The following EIF2D variants were observed in gnomAD, a reference collection of about 807,000 sequenced individuals.
The protein encoded by EIF2D is hepatocellular carcinoma-associated antigen 56.
Under a neutral mutation model 77.4 loss-of-function variants are expected in EIF2D, and 56 were observed. The ratio of observed to expected loss-of-function variants is 0.72; its 90% CI spans 0.58 to 0.90. The LOEUF is 0.90. EIF2D is among the 40% of genes least tolerant of loss of function. The pLI is 0.00. For synonymous variants in EIF2D, 230 were observed against 271.0 expected (o/e 0.85, Z 1.49); for missense variants, 574 against 706.5 (o/e 0.81, Z 2.13).
At chr1:206,610,915 C>A (rs1553413797) in intron 2 of EIF2D, among the ~76,000 whole-genome samples, 2 of 152,192 alleles carry the variant, frequency 1.3e-5, no homozygotes. Context: ...TCCTTCATCT[C>A]AGAACTTCCC....
chr1:206,605,364 C>G, intron 5 of EIF2D, 36 bp downstream of exon 5: 1 of 1,570,964 alleles, frequency 6.4e-7, no homozygotes, highest in Non-Finnish European at 8.7e-7. Context: ...CCAGCTGCCC[C>G]GGTTCTCTGT....
intron 4 of EIF2D, among the ~76,000 whole-genome samples, 154 bp downstream of exon 4, chr1:206,608,082 T>C (rs1439157946): frequency 6.6e-6 from 1 of 152,166 alleles, no homozygotes; most frequent in Non-Finnish European, 1.5e-5. Flanking sequence ...TCCCCATAGG[T>C]TTGCTGCCAT....
intron 1 of EIF2D, 40 bp from the exon 2 acceptor site, chr1:206,611,414 A>C (rs1553413995): frequency 6.5e-7 from 1 of 1,548,296 alleles, no homozygotes; most frequent in East Asian, 2.3e-5. Context: ...CTGCCTGGAC[A>C]GACTTTTAAT....
chr1:206,591,345 C>G (rs1669332299), downstream of EIF2D, among the ~76,000 whole-genome samples: 1 of 152,164 alleles, frequency 6.6e-6, no homozygotes, highest in African/African-American at 2.4e-5. Flanking sequence ...TGACAGAGAA[C>G]AGCTGGGATC....
downstream of EIF2D, chr1:206,591,640 G>T (rs1558528782): frequency 1.2e-6 from 1 of 827,096 alleles, no homozygotes; most frequent in Non-Finnish European, 1.9e-6. Flanking sequence ...AGGGAAGTCA[G>T]ATTTAGATTA....
Position 206,599,727 on chromosome 1 carries a change from A to T in EIF2D, c.1052+6T>A, listed in dbSNP as rs782788507. On this transcript the variant is annotated splice_donor_region_variant and intron_variant, in intron 9 of 14. Transcript: ENST00000271764. This position sits in a 1 kb window ranked among gnomAD's most constrained non-coding sequence, Gnocchi z 4.1. ...TGGGCTACAGTGACAGGCCCCCTGC[A>T]CTCACCTCGGGTGTTTCCAGTCCAC... 1 of 1,613,862 alleles carries T rather than the reference A, an allele frequency of 6.2e-7. No individual in the cohort carries two copies. Among genetic ancestry groups the T allele is most frequent in the Non-Finnish European group, 8.5e-7 (1 of 1,179,994 alleles).
rs1670477213 is a variant in EIF2D, at chr1:206,611,192, T to A, written c.239A>T (p.Tyr80Phe). 1 of 1,612,848 alleles carries A rather than the reference T, an allele frequency of 6.2e-7. No individual in the cohort carries two copies. The highest frequency in any genetic ancestry group is 1.7e-5 in the Admixed American group (1 of 59,942). ...TCGTCCTGTTGTCATACCTGTTGGA[T>A]ACAGATTTTTCTCCAGTTCAAAGAG... ...PILFELEKNLYPTVYTLWSYP... is the reference protein window; with the variant it reads ...PILFELEKNLFPTVYTLWSYP... The change falls in exon 2 of 15, where the codon TAT (tyrosine) becomes TTT (phenylalanine). Residue 80 changes from tyrosine to phenylalanine, a missense_variant. Physicochemically the swap from Tyr to Phe is conservative, Grantham distance 22. Transcript: ENST00000271764.
Position 206,599,884 on chromosome 1 carries a change from C to T in EIF2D, c.949-48G>A, listed in dbSNP as rs782701500. 4.5e-6 allele frequency: 7 copies of T among 1,560,990 alleles called. No homozygotes were observed. The highest frequency in any genetic ancestry group is 1.7e-5 in the Admixed American group (1 of 59,752). ...TAGGGGACTTCATTGATTCCACACA[C>T]ATACTGAGCACCCAGGATGTGCCAG... is the stretch of plus-strand genomic sequence containing the variant. On this transcript the variant is annotated intron_variant, in intron 8 of 14. Transcript: ENST00000271764. The surrounding 1 kb of genome is among the most constrained non-coding windows in gnomAD (Gnocchi z 4.1).
At chr1:206,603,340 T>C (rs1670025404) in intron 5 of EIF2D, 136 bp from the exon 6 acceptor site, 3 of 1,194,610 alleles carry the variant, frequency 2.5e-6, no homozygotes, top group Non-Finnish European at 3.4e-6. Context: ...GCAGAGAGCC[T>C]GTGCCCTCAT....
chr1:206,586,544 G>A (rs1371303223), intron 2 of EIF2D: 6 of 298,426 alleles, frequency 2.0e-5, no homozygotes, highest in Admixed American at 4.9e-5. Flanking sequence ...TCAAGATCTC[G>A]GCTGCTACAC....
At chr1:206,606,331 T>C (rs2102301114) in intron 4 of EIF2D, among the ~76,000 whole-genome samples, 1 of 152,326 alleles carries the variant, frequency 6.6e-6, no homozygotes, top group Non-Finnish European at 1.5e-5. Flanking sequence ...AATCTGAAAC[T>C]GGCTTCTTTC....
chr1:206,573,257 T>G (rs1668514742), intron 4 of EIF2D, among the ~76,000 whole-genome samples: 1 of 152,138 alleles, frequency 6.6e-6, no homozygotes, highest in Non-Finnish European at 1.5e-5. Context: ...TTTTTTACCT[T>G]CACATCAATC....
Position 206,595,746 on chromosome 1 carries a change from G to A in EIF2D, c.1481C>T (p.Thr494Ile). 6.2e-7 allele frequency: 1 copy of A among 1,614,124 alleles called. No individual in the cohort carries two copies. Among genetic ancestry groups the A allele is most frequent in the South Asian group, 1.1e-5 (1 of 91,088 alleles). Residue 494 changes from threonine (T) to isoleucine (I), a missense_variant, in exon 13 of 15, where the codon ACC (threonine) becomes ATC (isoleucine). By Grantham distance (89) the Thr-to-Ile change is moderately conservative. Transcript: ENST00000271764. ...KKGRICPIDI[T>I]LAQRASNKKV... is the part of the protein sequence containing the mutation. ...TTTATTAGACGCTCTTTGTGCTAGG[G>A]TGATGTCAATTGGACAGATTCTCCC...
At chr1:206,612,264 A>T in intron 1 of EIF2D, 23 bp downstream of exon 1, 1 of 1,614,226 alleles carries the variant, frequency 6.2e-7, no homozygotes, top group Non-Finnish European at 8.5e-7. Context: ...TCCGTGGCAG[A>T]GCAGGCCCCT....
chr1:206,578,404 T>A (rs1668739331), intron 4 of EIF2D, among the ~76,000 whole-genome samples: 1 of 152,086 alleles, frequency 6.6e-6, no homozygotes, highest in Non-Finnish European at 1.5e-5. Flanking sequence ...GCTGTGATGA[T>A]GAAATGAGCT....
chr1:206,609,358 A>T lies in EIF2D; in HGVS notation c.331+18T>A. On this transcript the variant is annotated intron_variant, in intron 3 of 14. Coordinates refer to ENST00000271764, the MANE Select transcript of EIF2D (RefSeq NM_006893.3). ...GTAGGTTTCAGCCAATAGCCAGAAT[A>T]TAGGAGAATCCTCTTACCTGCTCCC... is the stretch of plus-strand genomic sequence containing the variant. The T allele has an allele frequency of 2.5e-6, 4 of 1,610,568 alleles. No individual in the cohort carries two copies. The highest frequency in any genetic ancestry group is 3.4e-6 in the Non-Finnish European group (4 of 1,176,946).
chr1:206,580,650 G>A (rs1553406103), intron 4 of EIF2D: 1 of 152,230 alleles, frequency 6.6e-6, no homozygotes, highest in Non-Finnish European at 1.5e-5. Context: ...GACTGACAGT[G>A]AATGAAGAGA....
In EIF2D at chr1:206,595,615, G is replaced by T. The variant is rs551074333; in HGVS notation, c.1509+103C>A. On this transcript the variant is annotated intron_variant, in intron 13 of 14. Transcript: ENST00000271764. ...GGTGTTTCATAAAAAAATCTTTGAT[G>T]AGTTTGAGGCCAATCTAAAAACCTC... 1.4e-4 allele frequency: 192 copies of T among 1,400,864 alleles called. No homozygotes were observed. The East Asian group carries it at 4.4e-3, about 32-fold the overall frequency. 86.8% of individuals were successfully genotyped at this position (1,400,864 alleles called of 1,614,324 possible).
At chr1:206,598,141 G>A (rs990167987) in intron 11 of EIF2D, among the ~76,000 whole-genome samples, 5 of 151,642 alleles carry the variant, frequency 3.3e-5, no homozygotes, top group African/African-American at 9.7e-5. Context: ...GGGCTCAAGC[G>A]ATCCTCCCAC....
Sources: gnomAD v4.1 joint callset for allele counts (sites outside exome capture counted in the v4.1 genomes callset) on GRCh38, gnomAD v4.1.1 for gene constraint, Gnocchi (gnomAD v3.1) non-coding constraint, MANE v1.5 for transcripts, NCBI Gene and HGNC (gene_info 2026-07-23, HGNC 2026-07-21) for gene names.